Variants in SLC17A5 observed in about 807,000 individuals in gnomAD.
The protein encoded by SLC17A5 is solute carrier family 17 member 5.
SLC17A5 carries 47 observed loss-of-function variants against 59.4 expected under a neutral mutation model. The ratio of observed to expected loss-of-function variants is 0.79; its 90% CI spans 0.63 to 1.01. SLC17A5 has a LOEUF of 1.01. SLC17A5 is among the 50% of genes least tolerant of loss of function. The pLI is 0.00. For missense variants in SLC17A5, 522 were observed against 595.5 expected (o/e 0.88, Z 1.28); for synonymous variants, 202 against 210.7 (o/e 0.96, Z 0.36).
intron 9 of SLC17A5, among the ~76,000 whole-genome samples, chr6:73,608,128 G>T (rs765282608): frequency 6.6e-6 from 1 of 152,052 alleles, no homozygotes; most frequent in Non-Finnish European, 1.5e-5. Context: ...GGATGTTACC[G>T]ATGGATTCCT....
In SLC17A5 at chr6:73,635,470, C is replaced by T; in HGVS notation, c.731G>A (p.Trp244Ter). ...TGGTGTGTCACTAACTAACCAGATC[C>T]ACAAAAGAAACCAAAATATTCCAAT... The part of the protein sequence containing the change: ...GTIGIFWFLL[W>*]IWLVSDTPQK... The change falls in exon 6 of 11, where the codon TGG becomes TAG. Residue 244 changes from tryptophan (W) to a stop codon, truncating the protein, a stop_gained. Coordinates refer to ENST00000355773, the MANE Select transcript of SLC17A5 (RefSeq NM_012434.5). LOFTEE classifies it high-confidence loss of function. The T allele has an allele frequency of 6.2e-7, 1 of 1,603,608 alleles. No individual in the cohort carries two copies. Among genetic ancestry groups the T allele is most frequent in the Non-Finnish European group, 8.5e-7 (1 of 1,174,028 alleles).
At chr6:73,641,638 G>T in intron 3 of SLC17A5, 53 bp downstream of exon 3, 1 of 1,293,376 alleles carries the variant, frequency 7.7e-7, no homozygotes, top group Non-Finnish European at 1.1e-6. Context: ...TCTTTAAGAA[G>T]AAGAGAAGGA....
At chr6:73,598,702 G>A (rs1050460235) in intron 10 of SLC17A5, among the ~76,000 whole-genome samples, 1 of 151,908 alleles carries the variant, frequency 6.6e-6, no homozygotes, top group African/African-American at 2.4e-5. Flanking sequence ...ATACTTTAGA[G>A]TTTTATTTGG....
In SLC17A5 at chr6:73,618,102, A is replaced by T. The variant is rs1767955010; in HGVS notation, c.979-2655T>A. Among the ~76,000 whole-genome samples, 3 of 150,390 alleles carry T rather than the reference A, an allele frequency of 2.0e-5. No individual in the cohort carries two copies. The Admixed American group carries it at 2.0e-4, about 10-fold the overall frequency. ...AATTTAGCCAGGTGTGGTGGCACAC[A>T]CCTGAAATCTCAGGTACTTGGGAGG... On this transcript the variant is annotated intron_variant, in intron 7 of 10. Transcript: ENST00000355773.
At chr6:73,601,454 G>T (rs1581954545) in intron 9 of SLC17A5, among the ~76,000 whole-genome samples, 1 of 137,620 alleles carries the variant, frequency 7.3e-6, no homozygotes, top group East Asian at 2.2e-4. Context: ...CCGTCCGGGA[G>T]GGAGGTGGGG....
chr6:73,640,737 T>TA (rs1708172460), intron 3 of SLC17A5, among the ~76,000 whole-genome samples: 1 of 151,902 alleles, frequency 6.6e-6, no homozygotes, highest in South Asian at 2.1e-4. Flanking sequence ...AGTATGGGGG[T>TA]ACACATGATG....
intron 6 of SLC17A5, among the ~76,000 whole-genome samples, chr6:73,634,030 T>C (rs1232350746): frequency 6.6e-6 from 1 of 152,288 alleles, no homozygotes; most frequent in East Asian, 1.9e-4. Flanking sequence ...TCTTTCCTAA[T>C]GTTTTTATGT....
chr6:73,607,471 G>A (rs1767445711), intron 9 of SLC17A5, among the ~76,000 whole-genome samples: 1 of 152,052 alleles, frequency 6.6e-6, no homozygotes. Flanking sequence ...TCACCATGTT[G>A]GCCAGGCTGG....
intron 6 of SLC17A5, among the ~76,000 whole-genome samples, chr6:73,632,185 G>T (rs1175851539): frequency 2.0e-5 from 3 of 148,446 alleles, no homozygotes; most frequent in African/African-American, 7.6e-5. Flanking sequence ...TGTAGTCCCA[G>T]CTACTCGAGA....
intron 10 of SLC17A5, among the ~76,000 whole-genome samples, chr6:73,595,434 CACAA>C (rs1766751070): frequency 6.6e-6 from 1 of 152,140 alleles, no homozygotes; most frequent in Admixed American, 6.6e-5. Context: ...AAATACAGCT[CACAA>C]ACAAAATATG....
intron 7 of SLC17A5, 66 bp downstream of exon 7, chr6:73,621,738 T>G: frequency 1.0e-5 from 13 of 1,302,442 alleles, no homozygotes; most frequent in Non-Finnish European, 1.3e-5. Flanking sequence ...TTTATACAGA[T>G]GAGAACAAAT....
intron 1 of SLC17A5, among the ~76,000 whole-genome samples, chr6:73,648,191 T>G (rs1769675050): frequency 6.6e-6 from 1 of 152,244 alleles, no homozygotes; most frequent in African/African-American, 2.4e-5. Context: ...ACAAATATAT[T>G]CAATCAGAAA....
chr6:73,600,509 T>A, intron 9 of SLC17A5, 68 bp from the exon 10 acceptor site: 44 of 23,494 alleles, frequency 1.9e-3, no homozygotes, highest in Non-Finnish European at 2.7e-3. Flanking sequence ...TCTTTCCTTC[T>A]TTTTTTTTTT....
intron 8 of SLC17A5, among the ~76,000 whole-genome samples, chr6:73,611,210 G>A (rs1308218384): frequency 6.6e-6 from 1 of 152,172 alleles, no homozygotes; most frequent in African/African-American, 2.4e-5. Flanking sequence ...TGGCACCACT[G>A]CACTCCAGCC....
At chr6:73,653,024 T>C (rs1403452795) in intron 1 of SLC17A5, 12 of 984,710 alleles carry the variant, frequency 1.2e-5, no homozygotes, top group Non-Finnish European at 1.4e-5. Context: ...TACCTGCTTT[T>C]CGATTTGTTC....
intron 9 of SLC17A5, among the ~76,000 whole-genome samples, chr6:73,605,960 A>C (rs1359763429): frequency 6.6e-6 from 1 of 152,146 alleles, no homozygotes; most frequent in Non-Finnish European, 1.5e-5. Flanking sequence ...CTGGGCAACA[A>C]GAGTGAAACT....
intron 6 of SLC17A5, among the ~76,000 whole-genome samples, chr6:73,624,704 T>G (rs1768323760): frequency 6.6e-6 from 1 of 151,958 alleles, no homozygotes; most frequent in Non-Finnish European, 1.5e-5. Context: ...TGAAACCCCG[T>G]CTCTACTAAA....
chr6:73,609,016 C>T (rs1326008420), intron 9 of SLC17A5, among the ~76,000 whole-genome samples: 1 of 152,052 alleles, frequency 6.6e-6, no homozygotes, highest in African/African-American at 2.4e-5. Flanking sequence ...TGCAGCTTAT[C>T]TTAGAGTATT....
intron 1 of SLC17A5, chr6:73,652,907 C>A: frequency 2.7e-6 from 1 of 375,782 alleles, no homozygotes; most frequent in Non-Finnish European, 3.7e-6. Context: ...TGCATTCAAA[C>A]TGATTTGTTC....
Sources: allele counts gnomAD v4.1 joint callset (sites outside exome capture counted in the v4.1 genomes callset), GRCh38; gene constraint gnomAD v4.1.1; transcripts MANE v1.5; gene names NCBI Gene and HGNC (gene_info 2026-07-23, HGNC 2026-07-21).